Variants in NPC1 observed in about 807,000 individuals in gnomAD.
The protein encoded by NPC1 is NPC intracellular cholesterol transporter 1.
A neutral mutation model predicts 140.4 loss-of-function variants in NPC1; 85 were observed. The observed-to-expected ratio is 0.61, with a 90% CI of 0.51 to 0.72. The LOEUF (loss-of-function observed/expected upper bound fraction) is 0.72. Ranked by LOEUF, NPC1 falls within the 30% of genes least tolerant of loss-of-function variation. The pLI, the probability that NPC1 is intolerant of heterozygous loss-of-function variation, is 0.00. For synonymous variants in NPC1, 656 were observed against 624.8 expected (o/e 1.05, Z -0.74); for missense variants, 1,504 against 1,623.8 (o/e 0.93, Z 1.27).
chr18:23,559,969 AAG>A (rs1208274414), intron 6 of NPC1, among the ~76,000 whole-genome samples: 1 of 152,162 alleles, frequency 6.6e-6, no homozygotes, highest in African/African-American at 2.4e-5. Context: ...CAAAAAAAAA[AAG>A]AATCAGTGGC....
Position 23,561,507 on chromosome 18 carries a change from C to T in NPC1, c.484G>A (p.Asp162Asn). 1 of 1,614,134 alleles carries T rather than the reference C, an allele frequency of 6.2e-7. No homozygotes were observed. The highest frequency in any genetic ancestry group is 8.5e-7 in the Non-Finnish European group (1 of 1,180,032). Residue 162 changes from aspartate to asparagine, a missense_variant, in exon 5 of 25, where the codon GAT (aspartate) becomes AAT (asparagine). Coordinates refer to ENST00000269228, the MANE Select transcript of NPC1 (RefSeq NM_000271.5). The part of the protein sequence containing the change: ...FANAMYNACR[D>N]VEAPSSNDKA... ...TCATTACTTGAGGGGGCCTCCACAT[C>T]CCGGCAGGCATTGTACATTGCTAGA...
At chr18:23,506,725 T>G (rs547295982) in intron 3 of NPC1, 3 of 381,166 alleles carry the variant, frequency 7.9e-6, no homozygotes, top group Non-Finnish European at 1.4e-5. Flanking sequence ...TCAGGTGATA[T>G]GTGTGTGTGA....
Position 23,512,300 on chromosome 18 carries a change from C to T in NPC1, c.432-5658G>A, listed in dbSNP as rs150785663. ...CCCCCTAAAGTGCTGGGATTACAGG[C>T]GTGAGCCACCATGCCTGGCCGAAAG... On this transcript the variant is annotated intron_variant, in intron 3 of 3. Transcript: ENST00000591107. Among the ~76,000 whole-genome samples the T allele has an allele frequency of 0.023, 3,488 of 152,164 alleles. 239 individuals carry two copies. In the East Asian group the frequency reaches 0.29, roughly 13 times the overall value.
Position 23,586,433 on chromosome 18 carries a change from C to T in NPC1, c.-90G>A, listed in dbSNP as rs1053932185. 13 of 1,516,526 alleles carry T rather than the reference C, an allele frequency of 8.6e-6. No individual in the cohort carries two copies. In the African/African-American group the frequency reaches 1.4e-4, roughly 16 times the overall value. The allele number at this position is 1,516,526 out of a possible 1,614,324, so 93.9% of individuals were successfully genotyped here. A position where few individuals can be genotyped will look rare whatever the true frequency, so the allele number is the denominator to read the frequency against. ...TCTACTTCCCCGGGCTGTTTCAGCA[C>T]CCCGCGCAGGAGGAGCGGAGGAGCA... On this transcript the variant is annotated 5_prime_UTR_variant, in exon 1 of 25. In the 5' UTR this introduces an upstream ATG that the reference lacks. Coordinates refer to ENST00000269228, the MANE Select transcript of NPC1 (RefSeq NM_000271.5).
Position 23,543,572 on chromosome 18 carries a change from T to TAAAA in NPC1, c.2131-7_2131-4dup. The TAAAA allele has an allele frequency of 6.6e-6, 8 of 1,205,262 alleles. No individual in the cohort carries two copies. The highest frequency in any genetic ancestry group is 1.3e-5 in the South Asian group (1 of 76,280). 74.7% of individuals were successfully genotyped at this position (1,205,262 alleles called of 1,614,324 possible). On this transcript the variant is annotated splice_region_variant and splice_polypyrimidine_tract_variant and intron_variant, in intron 13 of 24. Transcript: ENST00000269228. ...TCCCCTTGAAGACGTTCATCTCTCTTAAAAAAAAAAAAAAAAAATTATGCG... is the reference window on the plus strand; with the variant it reads ...TCCCCTTGAAGACGTTCATCTCTCTTAAAAAAAAAAAAAAAAAAAAAATTATGCG...
chr18:23,524,061 T>C (rs2145239696), intron 1 of NPC1: 1 of 1,464,952 alleles, frequency 6.8e-7, no homozygotes, highest in Non-Finnish European at 9.6e-7. Context: ...TTGACTTTTG[T>C]GTCATAAGTA....
rs563610288 is a variant in NPC1, at chr18:23,542,806, G to T, written c.2245+649C>A. On this transcript the variant is annotated intron_variant, in intron 14 of 24. Transcript: ENST00000269228. ...AGAGTGTCATGTGGAGAAGGATTCA[G>T]TGGCTACTCAAGGATGCCATTTTCA... is the stretch of plus-strand genomic sequence containing the variant. Among the ~76,000 whole-genome samples, 3 of 152,336 alleles carry T rather than the reference G, an allele frequency of 2.0e-5. No individual in the cohort carries two copies. In the South Asian group the frequency reaches 6.2e-4, roughly 32 times the overall value.
intron 6 of NPC1, among the ~76,000 whole-genome samples, chr18:23,557,829 T>C (rs571076734): frequency 6.6e-6 from 1 of 152,172 alleles, no homozygotes; most frequent in Non-Finnish European, 1.5e-5. Context: ...CTACATACCA[T>C]TCTCCAATAA....
Position 23,586,275 on chromosome 18 carries a change from G to A in NPC1, c.57+12C>T. The A allele has an allele frequency of 5.9e-6, 9 of 1,532,100 alleles. No individual in the cohort carries two copies. Among genetic ancestry groups the A allele is most frequent in the Non-Finnish European group, 7.9e-6 (9 of 1,145,398 alleles). The allele number at this position is 1,532,100 out of a possible 1,614,324, so 94.9% of individuals were successfully genotyped here. ...TCCCCACAGGGCGTCCCGGTGGCCG[G>A]CGACCGCTCACCTGCGCTGGACACA... On this transcript the variant is annotated intron_variant, in intron 1 of 24. Transcript: ENST00000269228.
rs2058955195 is a variant in NPC1 at position 23,556,562 on chromosome 18, C to T, written c.1007G>A (p.Arg336Lys). Residue 336 changes from arginine (R) to lysine (K), a missense_variant, in exon 8 of 25, where the codon AGG (arginine) becomes AAG (lysine). By Grantham distance (26) the Arg-to-Lys change is conservative. Coordinates refer to ENST00000269228, the MANE Select transcript of NPC1 (RefSeq NM_000271.5). ...AGACCCCCAGCGTGTGAACAGCCGC[C>T]TCAAGCAGCCCTCAAATGCTGCGCT... ...PVSAAFEGCL[R>K]RLFTRWGSFC... 4.3e-6 allele frequency: 7 copies of T among 1,614,022 alleles called. No homozygotes were observed. The Admixed American group carries it at 1.2e-4, about 27-fold the overall frequency.
At chr18:23,540,094 G>T in intron 17 of NPC1, 93 bp from the exon 18 acceptor site, 1 of 1,125,800 alleles carries the variant, frequency 8.9e-7, no homozygotes, top group Non-Finnish European at 1.3e-6. Context: ...GGTGCCAGGA[G>T]GTTCCTGGCT....
rs1555633637 is a variant in NPC1 at position 23,541,127 on chromosome 18, GAAAC to G, written c.2451_2454del (p.Leu817PhefsTer13). 6.2e-7 allele frequency: 1 copy of G among 1,614,156 alleles called. No homozygotes were observed. Among genetic ancestry groups the G allele is most frequent in the Non-Finnish European group, 8.5e-7 (1 of 1,180,024 alleles). ...GGAGAATAGGAGTTTTTGAAGAAGC[GAAAC>G]AAACAGCTCTCTGAGGCCTGGACGC... On this transcript the variant is annotated frameshift_variant, in exon 16 of 25. Coordinates refer to ENST00000269228, the MANE Select transcript of NPC1 (RefSeq NM_000271.5). LOFTEE classifies it high-confidence loss of function.
At chr18:23,544,200 C>A in intron 13 of NPC1, 144 bp downstream of exon 13, 1 of 778,222 alleles carries the variant, frequency 1.3e-6, no homozygotes, top group South Asian at 1.5e-5. Flanking sequence ...ATGTCCACAG[C>A]AAGTCAAGAC....
intron 4 of NPC1, among the ~76,000 whole-genome samples, chr18:23,567,248 T>A (rs1393928475): frequency 1.3e-5 from 2 of 152,262 alleles, no homozygotes; most frequent in African/African-American, 4.8e-5. Context: ...CCAAGGTGGC[T>A]GTACCGTTTT....
intron 9 of NPC1, among the ~76,000 whole-genome samples, chr18:23,553,545 C>T (rs931642560): frequency 1.3e-5 from 2 of 152,130 alleles, no homozygotes; most frequent in African/African-American, 4.8e-5. Flanking sequence ...AGTGAGAGTC[C>T]TTAGCTCTTG....
At chr18:23,530,313 G>A (rs769804663), downstream of NPC1, 1 of 1,614,236 alleles carries the variant, frequency 6.2e-7, no homozygotes. Context: ...TCTGATGTGT[G>A]AGGTTTTAGA....
chr18:23,548,290 A>G (rs1346133302), intron 10 of NPC1, among the ~76,000 whole-genome samples, 182 bp from the exon 11 acceptor site: 4 of 152,052 alleles, frequency 2.6e-5, no homozygotes, highest in African/African-American at 7.3e-5. Context: ...ATGAATAAAA[A>G]GGATTTTTTA....
chr18:23,513,590 C>G (rs1427079536), intron 3 of NPC1, among the ~76,000 whole-genome samples: 1 of 152,192 alleles, frequency 6.6e-6, no homozygotes, highest in East Asian at 1.9e-4. Context: ...GATGGTAGTT[C>G]TGTTTCTGAA....
At chr18:23,531,011 T>C (rs867650870), downstream of NPC1, among the ~76,000 whole-genome samples, 1 of 152,176 alleles carries the variant, frequency 6.6e-6, no homozygotes, top group Non-Finnish European at 1.5e-5. Flanking sequence ...CATTTTTTTT[T>C]TGAGACAGAG....
Sources: allele counts gnomAD v4.1 joint callset (sites outside exome capture counted in the v4.1 genomes callset), GRCh38; gene constraint gnomAD v4.1.1; transcripts MANE v1.5; gene names NCBI Gene and HGNC (gene_info 2026-07-23, HGNC 2026-07-21).